Variants in TAOK3 observed in about 807,000 individuals in gnomAD.
TAOK3 encodes the protein serine/threonine-protein kinase TAO3.
TAOK3 carries 40 observed loss-of-function variants against 120.4 expected under a neutral mutation model. The observed-to-expected ratio is 0.33, with a 90% CI of 0.26 to 0.43. The LOEUF is 0.43. TAOK3 is among the 20% of genes least tolerant of loss of function. TAOK3 has a pLI of 1.00. For synonymous variants in TAOK3, 355 were observed against 387.5 expected (o/e 0.92, Z 0.99); for missense variants, 821 against 1,112.1 (o/e 0.74, Z 3.72).
intron 1 of TAOK3, among the ~76,000 whole-genome samples, chr12:118,334,719 A>G (rs1365444564): frequency 1.3e-5 from 2 of 150,664 alleles, no homozygotes; most frequent in African/African-American, 4.9e-5. Context: ...TACTAAACAT[A>G]CAAAAAATTA....
intron 1 of TAOK3, among the ~76,000 whole-genome samples, chr12:118,293,792 T>A (rs535698516): frequency 7.9e-5 from 12 of 151,466 alleles, no homozygotes; most frequent in African/African-American, 2.7e-4. Flanking sequence ...GGCAGGCAAA[T>A]CACCTGAGGC....
At chr12:118,264,261 A>G (rs2041353118) in intron 2 of TAOK3, among the ~76,000 whole-genome samples, 1 of 152,248 alleles carries the variant, frequency 6.6e-6, no homozygotes, top group South Asian at 2.1e-4. Context: ...AGCTTATGTC[A>G]ATACAAAGCC....
intron 10 of TAOK3, 87 bp downstream of exon 10, chr12:118,213,930 G>A (rs2038752080): frequency 7.7e-6 from 9 of 1,169,376 alleles, no homozygotes; most frequent in Admixed American, 2.1e-5. Context: ...ATGCTTTCTA[G>A]GTCAGATATT....
chr12:118,362,668 A>G (rs765318526), intron 1 of TAOK3, among the ~76,000 whole-genome samples: 8 of 152,178 alleles, frequency 5.3e-5, no homozygotes, highest in Non-Finnish European at 1.2e-4. Context: ...TCAAGTGAAC[A>G]TCCACCTTCT....
rs377072006 is a variant in TAOK3 at position 118,244,527 on chromosome 12, C to CTTTTTT, written c.192+366_192+367insAAAAAA. 2.2e-4 allele frequency among the ~76,000 whole-genome samples: 29 copies of CTTTTTT among 129,566 alleles called. 6 individuals are homozygous for CTTTTTT. Among genetic ancestry groups the CTTTTTT allele is most frequent in the Non-Finnish European group, 2.4e-4 (15 of 61,960 alleles). The allele number at this position is 129,566 out of a possible 152,430, so 85.0% of individuals were successfully genotyped here. Reference sequence around the variant, plus strand: ...AAAGAATTTTGTTAATTTCTTTTTTCTTTTTCTTTTTTTTTTTTTGAGACA... The same window carrying CTTTTTT: ...AAAGAATTTTGTTAATTTCTTTTTTCTTTTTTTTTTTCTTTTTTTTTTTTTGAGACA... On this transcript the variant is annotated intron_variant, in intron 4 of 20. Transcript: ENST00000392533.
intron 1 of TAOK3, among the ~76,000 whole-genome samples, chr12:118,367,497 A>G (rs1646861196): frequency 6.6e-6 from 1 of 151,914 alleles, no homozygotes; most frequent in South Asian, 2.1e-4. Context: ...TAACTAATCT[A>G]TAATTATAGG....
chr12:118,214,183 A>C (rs2038768807), intron 9 of TAOK3, 73 bp from the exon 10 acceptor site: 3 of 1,202,162 alleles, frequency 2.5e-6, no homozygotes, highest in Non-Finnish European at 3.6e-6. Flanking sequence ...AGAAACTATG[A>C]GCAAAGCTTT....
At chr12:118,272,291 CA>C (rs773516018) in intron 1 of TAOK3, among the ~76,000 whole-genome samples, 670 of 64,156 alleles carry the variant, frequency 0.01, no homozygotes, top group Middle Eastern at 0.03. Context: ...GACTCCATCT[CA>C]AAAAAAAAAA....
rs2038002897 is a variant in TAOK3 at position 118,201,189 on chromosome 12, C to G, written c.987+107G>C. On this transcript the variant is annotated intron_variant, in intron 12 of 20. Transcript: ENST00000392533. Reference sequence around the variant, plus strand: ...AACCCTTCATGTTTCTTAAGGCGGACAGCATCAATTAATTTTTATCTTCAA... The same window carrying G: ...AACCCTTCATGTTTCTTAAGGCGGAGAGCATCAATTAATTTTTATCTTCAA... The G allele has an allele frequency of 3.9e-6, 4 of 1,038,340 alleles. No individual in the cohort carries two copies. In the Admixed American group the frequency reaches 9.6e-5, roughly 25 times the overall value. The allele number at this position is 1,038,340 out of a possible 1,614,324, so 64.3% of individuals were successfully genotyped here.
chr12:118,289,592 G>A (rs11068898), intron 1 of TAOK3, among the ~76,000 whole-genome samples: 8,251 of 152,042 alleles, frequency 0.054, 465 homozygotes, highest in East Asian at 0.25. Flanking sequence ...CTCTAAATAC[G>A]AACACAGATG....
chr12:118,177,768 A>C (rs1476610119), intron 15 of TAOK3, among the ~76,000 whole-genome samples: 1 of 152,084 alleles, frequency 6.6e-6, no homozygotes, highest in East Asian at 1.9e-4. Context: ...GGTTGCAGTG[A>C]GCTGAGATCA....
chr12:118,319,104 T>C (rs1049552109), intron 1 of TAOK3, among the ~76,000 whole-genome samples: 4 of 152,218 alleles, frequency 2.6e-5, no homozygotes, highest in Non-Finnish European at 2.9e-5. Flanking sequence ...GGTCAGAAGA[T>C]ACAAATTATC....
intron 16 of TAOK3, among the ~76,000 whole-genome samples, chr12:118,176,327 G>A (rs758430925): frequency 7.9e-5 from 12 of 152,160 alleles, no homozygotes; most frequent in South Asian, 2.1e-4. Context: ...CTGGTGCAGC[G>A]AAGAGTGGGT....
chr12:118,295,385 G>A (rs1441975357), intron 1 of TAOK3: 1 of 152,054 alleles, frequency 6.6e-6, no homozygotes, highest in African/African-American at 2.4e-5. Context: ...TGGTTTCCTT[G>A]TTTGACAATG....
chr12:118,315,707 TC>T (rs146268551), intron 1 of TAOK3, among the ~76,000 whole-genome samples: 5,775 of 151,958 alleles, frequency 0.038, 180 homozygotes, highest in Middle Eastern at 0.075. Flanking sequence ...ATAATCCTCC[TC>T]CCCCCAAAAA....
In TAOK3 at chr12:118,150,308, G is replaced by C. The variant is rs529621362; in HGVS notation, c.*689C>G. ...GCAGAAAATGATTATGATACAATCA[G>C]AATATGCTGAAGACAAGTTAAACTC... On this transcript the variant is annotated 3_prime_UTR_variant, in exon 21 of 21. Coordinates refer to ENST00000392533, the MANE Select transcript of TAOK3 (RefSeq NM_016281.4). 1.3e-5 allele frequency: 2 copies of C among 152,608 alleles called. No homozygotes were observed. The highest frequency in any genetic ancestry group is 4.1e-4 in the South Asian group (2 of 4,822). The allele number at this position is 152,608 out of a possible 1,614,324, so 9.5% of individuals were successfully genotyped here.
intron 11 of TAOK3, among the ~76,000 whole-genome samples, chr12:118,206,400 G>A (rs1183024589): frequency 6.6e-6 from 1 of 152,120 alleles, no homozygotes; most frequent in Non-Finnish European, 1.5e-5. Context: ...CTGTCTCTTA[G>A]ATAAAGTGTA....
chr12:118,267,864 G>A (rs2041522706), intron 1 of TAOK3, among the ~76,000 whole-genome samples: 1 of 134,292 alleles, frequency 7.4e-6, no homozygotes, highest in Admixed American at 8.4e-5. Context: ...CAGCCTGGGT[G>A]ACAGAGTGAG....
At chr12:118,268,215 AT>A (rs1269187798) in intron 1 of TAOK3, among the ~76,000 whole-genome samples, 1 of 152,200 alleles carries the variant, frequency 6.6e-6, no homozygotes, top group Non-Finnish European at 1.5e-5. Context: ...ACTATTGAAA[AT>A]TATTGTGTCT....
Sources: allele counts gnomAD v4.1 joint callset (sites outside exome capture counted in the v4.1 genomes callset), GRCh38; gene constraint gnomAD v4.1.1; transcripts MANE v1.5; gene names NCBI Gene and HGNC (gene_info 2026-07-23, HGNC 2026-07-21).